The following ANTXR2 variants were observed in gnomAD, a reference collection of about 807,000 sequenced individuals.
ANTXR2 encodes ANTXR cell adhesion molecule 2.
A neutral mutation model predicts 73.7 loss-of-function variants in ANTXR2; 44 were observed. That is an observed-to-expected ratio of 0.60 (90% CI 0.47 to 0.77). The LOEUF (loss-of-function observed/expected upper bound fraction) is 0.77. Among genes scored for constraint, ANTXR2 ranks in the 30% least tolerant of loss-of-function variants. The pLI is 0.00. For missense variants in ANTXR2, 604 were observed against 592.5 expected (o/e 1.02, Z -0.20); for synonymous variants, 217 against 205.9 (o/e 1.05, Z -0.46).
intron 14 of ANTXR2, 56 bp from the exon 15 acceptor site, chr4:79,978,230 G>A: frequency 6.5e-7 from 1 of 1,534,332 alleles, no homozygotes; most frequent in Admixed American, 1.9e-5. Flanking sequence ...AGAGGAACAG[G>A]CTCTTATTGA....
rs750256375 is a variant in ANTXR2 at position 79,919,862 on chromosome 4, ATT to A, written c.1429-12397_1429-12396del. 2.8e-3 allele frequency among the ~76,000 whole-genome samples: 339 copies of A among 120,832 alleles called. 23 individuals are homozygous for A. The highest frequency in any genetic ancestry group is 8.5e-3 in the East Asian group (23 of 2,698). 79.3% of individuals were successfully genotyped at this position (120,832 alleles called of 152,430 possible). On this transcript the variant is annotated intron_variant, in intron 16 of 16. Coordinates refer to ENST00000403729, the MANE Select transcript of ANTXR2 (RefSeq NM_058172.6). ...GTCCCTCTAGAGAATCCTAATACAT[ATT>A]TTATATATATATATATATATATATA...
At position 80,035,970 on chromosome 4, in the gene ANTXR2, AC is replaced by A. The variant is rs774904646; in HGVS notation, c.697+1del. 5 of 1,537,958 alleles carry A rather than the reference AC, an allele frequency of 3.3e-6. No individual in the cohort carries two copies. Among genetic ancestry groups the A allele is most frequent in the South Asian group, 1.3e-5 (1 of 79,252 alleles). On this transcript the variant is annotated splice_donor_variant, in intron 8 of 16. Coordinates refer to ENST00000403729, the MANE Select transcript of ANTXR2 (RefSeq NM_058172.6). LOFTEE classifies it high-confidence loss of function. ...TGGTATTTTTAAATTCTAAACACTT[AC>A]CCCCCACACAGACACTTGAGGGCTG...
In ANTXR2 at chr4:80,072,810, G is replaced by A. The variant is rs902098437; in HGVS notation, c.-250C>T. ...ACTCTTGACGAATCCCAGTGGAAGC[G>A]CGATCCAGTCCTCCCCCTCCCGATT... On this transcript the variant is annotated 5_prime_UTR_variant, in exon 1 of 17. Coordinates refer to ENST00000403729, the MANE Select transcript of ANTXR2 (RefSeq NM_058172.6). 2 of 952,858 alleles carry A rather than the reference G, an allele frequency of 2.1e-6. No homozygotes were observed. Among genetic ancestry groups the A allele is most frequent in the South Asian group, 3.4e-5 (1 of 29,836 alleles). 59.0% of individuals were successfully genotyped at this position (952,858 alleles called of 1,614,324 possible).
chr4:80,043,176 T>C (rs529988140), intron 7 of ANTXR2, among the ~76,000 whole-genome samples: 1 of 152,116 alleles, frequency 6.6e-6, no homozygotes, highest in African/African-American at 2.4e-5. Flanking sequence ...GTAACAAAAT[T>C]ACACTTGTAC....
intron 1 of ANTXR2, among the ~76,000 whole-genome samples, chr4:80,071,961 G>T (rs1437991851): frequency 2.0e-5 from 3 of 152,144 alleles, no homozygotes; most frequent in Admixed American, 2.0e-4. Context: ...GCCTTTCTTC[G>T]CAGGAAATGC....
At chr4:80,015,888 A>C (rs540501583) in intron 11 of ANTXR2, among the ~76,000 whole-genome samples, 2 of 75,366 alleles carry the variant, frequency 2.7e-5, no homozygotes, top group Admixed American at 1.4e-4. Flanking sequence ...AAGGAAAGGA[A>C]AGGAAAGGAA....
intron 12 of ANTXR2, among the ~76,000 whole-genome samples, chr4:79,990,681 C>A (rs1249833201): frequency 6.6e-6 from 1 of 151,972 alleles, no homozygotes; most frequent in Admixed American, 6.6e-5. Context: ...CCAAAGCTAT[C>A]CTAAGCAAAA....
At chr4:80,047,042 C>G (rs1733544231) in intron 7 of ANTXR2, among the ~76,000 whole-genome samples, 1 of 151,644 alleles carries the variant, frequency 6.6e-6, no homozygotes, top group African/African-American at 2.4e-5. Flanking sequence ...CTTTTATAGT[C>G]CAACAGGTTA....
intron 16 of ANTXR2, among the ~76,000 whole-genome samples, chr4:79,910,142 T>A (rs577103991): frequency 7.2e-5 from 11 of 152,194 alleles, no homozygotes; most frequent in South Asian, 2.1e-4. Context: ...CTTAAGGCTG[T>A]TGTAAAGACT....
chr4:80,060,091 T>A (rs1734175533), intron 3 of ANTXR2, among the ~76,000 whole-genome samples: 1 of 152,130 alleles, frequency 6.6e-6, no homozygotes, highest in Non-Finnish European at 1.5e-5. Flanking sequence ...GAGTCTACAC[T>A]CATCTGTTGA....
Position 80,054,331 on chromosome 4 carries a change from T to G in ANTXR2, c.577A>C (p.Lys193Gln). Residue 193 changes from lysine (K) to glutamine (Q), a missense_variant, in exon 7 of 17, where the codon AAG becomes CAG. Lys to Gln is a moderately conservative substitution (Grantham distance 53). Coordinates refer to ENST00000403729, the MANE Select transcript of ANTXR2 (RefSeq NM_058172.6). ...CCTTTGACAGGGAAAACTTGCTCCT[T>G]GGAATCAGCAATTCTTTCAAGCTTT... ...QAQLERIADSKEQVFPVKGGF... is the reference protein window; with the variant it reads ...QAQLERIADSQEQVFPVKGGF... 1 of 1,593,194 alleles carries G rather than the reference T, an allele frequency of 6.3e-7. No homozygotes were observed. The highest frequency in any genetic ancestry group is 8.5e-7 in the Non-Finnish European group (1 of 1,170,386).
In ANTXR2 at chr4:80,031,659, A is replaced by G; in HGVS notation, c.830T>C (p.Met277Thr). 6.5e-7 allele frequency: 1 copy of G among 1,533,574 alleles called. No individual in the cohort carries two copies. The highest frequency in any genetic ancestry group is 8.7e-7 in the Non-Finnish European group (1 of 1,147,758). The allele number at this position is 1,533,574 out of a possible 1,614,324, so 95.0% of individuals were successfully genotyped here. The change falls in exon 10 of 17, where the codon ATG (methionine) becomes ACG (threonine). Residue 277 changes from methionine (M) to threonine (T), a missense_variant. By Grantham distance (81) the Met-to-Thr change is moderately conservative. Coordinates refer to ENST00000403729, the MANE Select transcript of ANTXR2 (RefSeq NM_058172.6). Reference protein sequence around the residue: ...VKPVSVQLNSMLCPAPILNKA... With the variant: ...VKPVSVQLNSTLCPAPILNKA... ...ATTCAGGATAGGTGCAGGACAAAGC[A>G]TAGAATTAAGCTGTACACTTACTGG... is the stretch of plus-strand genomic sequence containing the variant.
At chr4:80,050,880 C>T (rs1733741299) in intron 7 of ANTXR2, among the ~76,000 whole-genome samples, 1 of 151,626 alleles carries the variant, frequency 6.6e-6, no homozygotes, top group African/African-American at 2.4e-5. Flanking sequence ...AATTAATCTT[C>T]GATAATTTCC....
At chr4:80,011,944 C>A (rs1345279524) in intron 11 of ANTXR2, among the ~76,000 whole-genome samples, 1 of 152,162 alleles carries the variant, frequency 6.6e-6, no homozygotes, top group African/African-American at 2.4e-5. Flanking sequence ...GAATAAAAAA[C>A]TTTATTCTGC....
intron 16 of ANTXR2, among the ~76,000 whole-genome samples, chr4:79,916,259 A>G (rs573173884): frequency 2.6e-5 from 4 of 152,214 alleles, no homozygotes; most frequent in Non-Finnish European, 5.9e-5. Context: ...ATGCTTCTAA[A>G]TTATTAATTC....
chr4:79,996,012 A>G (rs1730706164), intron 12 of ANTXR2, among the ~76,000 whole-genome samples: 1 of 151,982 alleles, frequency 6.6e-6, no homozygotes, highest in East Asian at 1.9e-4. Context: ...CTGTCTCTAT[A>G]GCTCTTTTAT....
chr4:79,993,758 A>ACGCG (rs745424355), intron 12 of ANTXR2, among the ~76,000 whole-genome samples: 2 of 144,800 alleles, frequency 1.4e-5, no homozygotes, highest in South Asian at 2.1e-4. Context: ...ACACACACAC[A>ACGCG]CGCACACACA....
intron 12 of ANTXR2, among the ~76,000 whole-genome samples, chr4:80,002,662 C>T (rs1190971951): frequency 1.3e-5 from 2 of 151,852 alleles, no homozygotes; most frequent in African/African-American, 4.8e-5. Context: ...ACCTACTCAT[C>T]TGACAAAGGG....
At chr4:80,017,368 C>T (rs1032447751) in intron 11 of ANTXR2, among the ~76,000 whole-genome samples, 3 of 152,288 alleles carry the variant, frequency 2.0e-5, no homozygotes, top group Non-Finnish European at 2.9e-5. Context: ...TTCCTTCTTA[C>T]GGAGAATCAT....
Sources: allele counts gnomAD v4.1 joint callset (sites outside exome capture counted in the v4.1 genomes callset), GRCh38; gene constraint gnomAD v4.1.1; transcripts MANE v1.5; gene names NCBI Gene and HGNC (gene_info 2026-07-23, HGNC 2026-07-21).